VRTN: variants seen among roughly 807,000 people sequenced by gnomAD.
VRTN encodes the protein vertnin.
In VRTN, 5 loss-of-function variants were observed where a neutral mutation model predicts 18.2. The ratio of observed to expected loss-of-function variants is 0.27; its 90% CI spans 0.14 to 0.58. The LOEUF (loss-of-function observed/expected upper bound fraction) is 0.58, where lower values mean the gene tolerates loss of function less well. Among genes scored for constraint, VRTN ranks in the 20% least tolerant of loss-of-function variants. VRTN has a pLI of 0.91. For synonymous variants in VRTN, 381 were observed against 393.7 expected (o/e 0.97, Z 0.38); for missense variants, 741 against 939.4 (o/e 0.79, Z 2.76).
chr14:74,322,678 T>C (rs1217601413), intron 1 of VRTN, among the ~76,000 whole-genome samples: 3 of 152,208 alleles, frequency 2.0e-5, no homozygotes, highest in Admixed American at 1.3e-4. Flanking sequence ...CCTGTATTCC[T>C]ATTGTGTCTG....
At chr14:74,305,605 T>C (rs1191210212) in intron 1 of VRTN, 1 of 177,820 alleles carries the variant, frequency 5.6e-6, no homozygotes, top group African/African-American at 2.4e-5. Flanking sequence ...GCAGCACAGA[T>C]GATAACATGA....
chr14:74,344,118 G>A (rs942522965), upstream of VRTN, among the ~76,000 whole-genome samples: 19 of 150,988 alleles, frequency 1.3e-4, no homozygotes, highest in African/African-American at 1.7e-4. Flanking sequence ...TTTAAAAAAT[G>A]TGTTTACCGG....
chr14:74,340,432 C>T (rs746126453), intron 2 of VRTN, among the ~76,000 whole-genome samples: 24 of 150,238 alleles, frequency 1.6e-4, no homozygotes, highest in Non-Finnish European at 3.3e-4. Context: ...TTTTAGTAGA[C>T]ACGGGGTTTC....
rs924575113 is a variant in VRTN, at chr14:74,359,520, G to GA, written c.*639dup. The GA allele has an allele frequency of 3.4e-3, 515 of 153,686 alleles. No individual in the cohort carries two copies. The highest frequency in any genetic ancestry group is 1.5e-3 in the South Asian group (7 of 4,578). The allele number at this position is 153,686 out of a possible 1,614,324, so 9.5% of individuals were successfully genotyped here. On this transcript the variant is annotated 3_prime_UTR_variant, in exon 2 of 2. Coordinates refer to ENST00000256362, the MANE Select transcript of VRTN (RefSeq NM_018228.3). Reference sequence around the variant, plus strand: ...CAATGTAGTGAGACCTCATCTCTTAGAAAAAAAAAAAGAAAGAAAATCAAA... The same window carrying GA: ...CAATGTAGTGAGACCTCATCTCTTAGAAAAAAAAAAAAGAAAGAAAATCAAA...
In VRTN at chr14:74,358,386, A is replaced by G. The variant is rs1000954433; in HGVS notation, c.1603A>G (p.Ser535Gly). Residue 535 changes from serine (S) to glycine (G), a missense_variant, in exon 2 of 2, where the codon AGC becomes GGC. Physicochemically the swap from Ser to Gly is moderately conservative, Grantham distance 56. Coordinates refer to ENST00000256362, the MANE Select transcript of VRTN (RefSeq NM_018228.3). This position sits in a 1 kb window ranked among gnomAD's most constrained non-coding sequence, Gnocchi z 5.4. ...CTGCCGCTTCCGCCTCCGCTACCCC[A>G]GCCTGTCACCTTCTGCCTTTTGGGT... ...PFCRFRLRYP[S>G]LSPSAFWVWK... The G allele has an allele frequency of 6.2e-7, 1 of 1,614,032 alleles. No individual in the cohort carries two copies. Among genetic ancestry groups the G allele is most frequent in the Non-Finnish European group, 8.5e-7 (1 of 1,180,036 alleles).
intron 1 of VRTN, among the ~76,000 whole-genome samples, chr14:74,329,876 C>CTTTTTTA (rs1024877695): frequency 3.7e-5 from 5 of 135,520 alleles, no homozygotes; most frequent in African/African-American, 1.4e-4. Context: ...CGGGCCTGGG[C>CTTTTTTA]TTTTTTTTTT....
At chr14:74,308,405 C>T (rs2085368281) in intron 1 of VRTN, among the ~76,000 whole-genome samples, 1 of 152,246 alleles carries the variant, frequency 6.6e-6, no homozygotes, top group Non-Finnish European at 1.5e-5. Context: ...AACCTTCTAA[C>T]TGGATTTCTA....
At chr14:74,306,905 C>T (rs1204222131) in intron 1 of VRTN, among the ~76,000 whole-genome samples, 1 of 151,988 alleles carries the variant, frequency 6.6e-6, no homozygotes, top group Non-Finnish European at 1.5e-5. Context: ...CGCTCCTGGC[C>T]TCTAGTTGTT....
chr14:74,331,226 A>C (rs2085521089), intron 1 of VRTN, among the ~76,000 whole-genome samples: 1 of 146,086 alleles, frequency 6.8e-6, no homozygotes, highest in Non-Finnish European at 1.5e-5. Context: ...AAATAAACAA[A>C]CAAACAAACC....
intron 1 of VRTN, among the ~76,000 whole-genome samples, chr14:74,327,234 A>C (rs2085493744): frequency 6.6e-6 from 1 of 152,164 alleles, no homozygotes; most frequent in East Asian, 1.9e-4. Context: ...ATATATGTGG[A>C]TCCAGAGGCT....
At chr14:74,319,850 CTAG>C (rs1241796170) in intron 1 of VRTN, among the ~76,000 whole-genome samples, 1 of 152,104 alleles carries the variant, frequency 6.6e-6, no homozygotes, top group Non-Finnish European at 1.5e-5. Context: ...AGTCCAACAT[CTAG>C]TAGTAAAGAG....
intron 1 of VRTN, among the ~76,000 whole-genome samples, chr14:74,305,069 C>T (rs531622531): frequency 2.0e-5 from 3 of 152,194 alleles, no homozygotes; most frequent in East Asian, 1.9e-4. Flanking sequence ...CGGTGGCTCA[C>T]GCCTGTAATC....
In VRTN at chr14:74,321,932, C is replaced by G. The variant is rs540492941; in HGVS notation, c.-163-15791C>G. ...CTTGGCTCACTGCAACCTCCACCTC[C>G]CGGGTTTGAGCGATTTTCCTGCCTC... On this transcript the variant is annotated intron_variant, in intron 1 of 2. Coordinates refer to the VRTN transcript ENST00000557177. Among the ~76,000 whole-genome samples, 293 of 152,322 alleles carry G rather than the reference C, an allele frequency of 1.9e-3. 2 individuals carry two copies. The highest frequency in any genetic ancestry group is 6.7e-3 in the African/African-American group (278 of 41,572).
At chr14:74,334,602 GA>G (rs2085551402) in intron 1 of VRTN, among the ~76,000 whole-genome samples, 1 of 152,152 alleles carries the variant, frequency 6.6e-6, no homozygotes, top group South Asian at 2.1e-4. Context: ...AACTCATAAA[GA>G]AGATACTGTT....
chr14:74,344,863 T>TA (rs2085633810), upstream of VRTN, among the ~76,000 whole-genome samples: 1 of 151,648 alleles, frequency 6.6e-6, no homozygotes, highest in Non-Finnish European at 1.5e-5. Context: ...GAGTGTATAG[T>TA]AGACTACCAT....
intron 1 of VRTN, among the ~76,000 whole-genome samples, chr14:74,312,458 T>C (rs971382736): frequency 1.3e-5 from 2 of 152,158 alleles, no homozygotes; most frequent in Admixed American, 6.6e-5. Flanking sequence ...TTTTAATCTC[T>C]CTTTTTTTTC....
At chr14:74,343,920 C>T (rs763051875), upstream of VRTN, among the ~76,000 whole-genome samples, 3 of 151,768 alleles carry the variant, frequency 2.0e-5, no homozygotes, top group South Asian at 2.1e-4. Flanking sequence ...CTCAGCCTCC[C>T]GAGTAGCTGG....
chr14:74,354,678 C>T (rs2085712014), intron 1 of VRTN, among the ~76,000 whole-genome samples: 1 of 150,610 alleles, frequency 6.6e-6, no homozygotes, highest in African/African-American at 2.4e-5. Context: ...GCTGGGATTA[C>T]AGGTGTGAGC....
intron 1 of VRTN, among the ~76,000 whole-genome samples, chr14:74,335,914 T>C (rs948250385): frequency 6.6e-6 from 1 of 151,686 alleles, no homozygotes; most frequent in Non-Finnish European, 1.5e-5. Context: ...CTAATTTTTG[T>C]GTCTTTAGTA....
Sources: gnomAD v4.1 joint callset for allele counts (sites outside exome capture counted in the v4.1 genomes callset) on GRCh38, gnomAD v4.1.1 for gene constraint, Gnocchi (gnomAD v3.1) non-coding constraint, MANE v1.5 for transcripts, NCBI Gene and HGNC (gene_info 2026-07-23, HGNC 2026-07-21) for gene names.